The following TMEM132D variants were observed in gnomAD, a reference collection of about 807,000 sequenced individuals.
TMEM132D encodes mature OL transmembrane protein.
Under a neutral mutation model 62.3 loss-of-function variants are expected in TMEM132D, and 21 were observed. The ratio of observed to expected loss-of-function variants is 0.34; its 90% CI spans 0.24 to 0.49. The LOEUF (loss-of-function observed/expected upper bound fraction) is 0.49, where lower values mean the gene tolerates loss of function less well. Ranked by LOEUF, TMEM132D falls within the 20% of genes least tolerant of loss-of-function variation. The probability of loss-of-function intolerance (pLI) is 0.99; values close to 1 mark genes in which losing one functional copy is unlikely to be tolerated. For missense variants in TMEM132D, 1,346 were observed against 1,402.8 expected (o/e 0.96, Z 0.65); for synonymous variants, 621 against 575.6 (o/e 1.08, Z -1.13).
rs538689609 is a variant in TMEM132D at position 129,775,299 on chromosome 12, G to A, written c.80-74601C>T. Reference sequence around the variant, plus strand: ...GGCTTTGGATGTCAATGAGGACACCGTGAAATATCAAACATTTGGGCGGAA... The same window carrying A: ...GGCTTTGGATGTCAATGAGGACACCATGAAATATCAAACATTTGGGCGGAA... On this transcript the variant is annotated intron_variant, in intron 1 of 8. Transcript: ENST00000422113. 8.2e-4 allele frequency among the ~76,000 whole-genome samples: 125 copies of A among 152,244 alleles called. 1 individual carries two copies. The highest frequency in any genetic ancestry group is 3.4e-3 in the Middle Eastern group (1 of 294).
At chr12:129,586,288 C>T (rs138364178) in intron 2 of TMEM132D, among the ~76,000 whole-genome samples, 22 of 150,124 alleles carry the variant, frequency 1.5e-4, no homozygotes, top group Non-Finnish European at 3.2e-4. Flanking sequence ...AACTTCAAGG[C>T]CACCTTCAAG....
rs869098367 is a variant in TMEM132D, at chr12:129,385,085, CTTTTTTTTTTTTTT to C, written c.1116-47282_1116-47269del. ...ATGAGCATTTTACACTGTTAAAGTT[CTTTTTTTTTTTTTT>C]TTTTTTTTTTTTGAGACGTCGTTTT... On this transcript the variant is annotated intron_variant, in intron 3 of 8. Transcript: ENST00000422113. Among the ~76,000 whole-genome samples, 14 of 86,892 alleles carry C rather than the reference CTTTTTTTTTTTTTT, an allele frequency of 1.6e-4. No homozygotes were observed. In the East Asian group the frequency reaches 4.3e-3, roughly 27 times the overall value. The allele number at this position is 86,892 out of a possible 152,430, so 57.0% of individuals were successfully genotyped here.
chr12:129,595,002 C>T (rs979128357), intron 2 of TMEM132D, among the ~76,000 whole-genome samples: 7 of 152,182 alleles, frequency 4.6e-5, no homozygotes, highest in East Asian at 1.9e-4. Context: ...TATAGGTTAA[C>T]GGCTTTGTTT....
chr12:129,750,576 A>G (rs1183002616), intron 1 of TMEM132D, among the ~76,000 whole-genome samples: 1 of 152,234 alleles, frequency 6.6e-6, no homozygotes, highest in South Asian at 2.1e-4. Flanking sequence ...CGTAAGTGGT[A>G]AAGAATGGAA....
intron 2 of TMEM132D, among the ~76,000 whole-genome samples, chr12:129,576,324 G>T (rs1877657296): frequency 6.6e-6 from 1 of 151,732 alleles, no homozygotes; most frequent in East Asian, 1.9e-4. Context: ...ATCTGGATTT[G>T]TAATTAAAAT....
At chr12:129,663,985 G>A (rs1214538053) in intron 2 of TMEM132D, among the ~76,000 whole-genome samples, 1 of 152,132 alleles carries the variant, frequency 6.6e-6, no homozygotes, top group South Asian at 2.1e-4. Flanking sequence ...TTAAAAAAGT[G>A]GCCTATACAT....
chr12:129,244,114 G>A (rs541601041), intron 4 of TMEM132D, among the ~76,000 whole-genome samples: 149 of 152,254 alleles, frequency 9.8e-4, no homozygotes, highest in African/African-American at 3.5e-3. Flanking sequence ...GGCCGGGTGC[G>A]GTGGCTGACG....
At chr12:129,405,128 G>A (rs1871742499) in intron 3 of TMEM132D, among the ~76,000 whole-genome samples, 1 of 152,162 alleles carries the variant, frequency 6.6e-6, no homozygotes, top group African/African-American at 2.4e-5. Flanking sequence ...CAGAGGCTCG[G>A]TGGCTTAAGC....
intron 4 of TMEM132D, among the ~76,000 whole-genome samples, chr12:129,251,946 G>A (rs1437933734): frequency 2.0e-5 from 3 of 152,114 alleles, no homozygotes; most frequent in Non-Finnish European, 2.9e-5. Context: ...ATCACCCTGT[G>A]GATGGGAGTT....
At chr12:129,105,473 G>A (rs1204686309) in intron 5 of TMEM132D, among the ~76,000 whole-genome samples, 1 of 144,066 alleles carries the variant, frequency 6.9e-6, no homozygotes, top group African/African-American at 2.7e-5. Flanking sequence ...CAGCGCACCA[G>A]CATGGCACAT....
At chr12:129,096,132 T>C (rs1416841843) in intron 5 of TMEM132D, among the ~76,000 whole-genome samples, 4 of 152,118 alleles carry the variant, frequency 2.6e-5, no homozygotes, top group Non-Finnish European at 5.9e-5. Flanking sequence ...ATTGTGACAG[T>C]AACCCAGCAA....
At chr12:129,801,845 G>A (rs1871797863) in intron 1 of TMEM132D, among the ~76,000 whole-genome samples, 1 of 150,474 alleles carries the variant, frequency 6.6e-6, no homozygotes, top group African/African-American at 2.5e-5. Flanking sequence ...GTGCTTAAAG[G>A]AGCTGATGGA....
intron 3 of TMEM132D, among the ~76,000 whole-genome samples, chr12:129,488,620 C>T (rs1423093019): frequency 1.3e-5 from 2 of 152,080 alleles, no homozygotes; most frequent in Non-Finnish European, 2.9e-5. Flanking sequence ...TTGCAGTGAG[C>T]CAAGATCACA....
intron 3 of TMEM132D, among the ~76,000 whole-genome samples, chr12:129,442,935 C>T (rs1181291702): frequency 2.6e-5 from 4 of 152,102 alleles, no homozygotes; most frequent in Non-Finnish European, 4.4e-5. Context: ...TCTGAAATTT[C>T]CCCCAGCTGA....
chr12:129,528,150 A>G (rs1172701849), intron 3 of TMEM132D, among the ~76,000 whole-genome samples: 1 of 152,238 alleles, frequency 6.6e-6, no homozygotes, highest in Non-Finnish European at 1.5e-5. Context: ...GAAATTATAA[A>G]GCAAAACAGC....
At chr12:129,551,924 G>T (rs1056618387) in intron 2 of TMEM132D, among the ~76,000 whole-genome samples, 2 of 152,176 alleles carry the variant, frequency 1.3e-5, no homozygotes, top group Non-Finnish European at 2.9e-5. Context: ...TGGGGTGAGG[G>T]ATATATCACT....
At chr12:129,267,574 T>G (rs59570759) in intron 4 of TMEM132D, among the ~76,000 whole-genome samples, 13,719 of 152,188 alleles carry the variant, frequency 0.09, 771 homozygotes, top group Admixed American at 0.17. Context: ...TCATGGATAG[T>G]AAGAATCAAT....
At chr12:129,622,576 G>A (rs143907252) in intron 2 of TMEM132D, among the ~76,000 whole-genome samples, 5 of 152,270 alleles carry the variant, frequency 3.3e-5, no homozygotes, top group African/African-American at 9.6e-5. Flanking sequence ...GAATATGTCC[G>A]TAACTATATC....
intron 3 of TMEM132D, among the ~76,000 whole-genome samples, chr12:129,403,838 A>G (rs1871692153): frequency 6.6e-6 from 1 of 152,232 alleles, no homozygotes; most frequent in Admixed American, 6.5e-5. Context: ...GTGACATTTA[A>G]GCAAAGACCT....
Sources: allele counts gnomAD v4.1 joint callset (sites outside exome capture counted in the v4.1 genomes callset), GRCh38; gene constraint gnomAD v4.1.1; transcripts MANE v1.5; gene names NCBI Gene and HGNC (gene_info 2026-07-23, HGNC 2026-07-21).